The following THOC1 variants were observed in gnomAD, a reference collection of about 807,000 sequenced individuals.
THOC1 encodes the protein THO complex subunit 1.
THOC1 carries 29 observed loss-of-function variants against 97.3 expected under a neutral mutation model. That is an observed-to-expected ratio of 0.30 (90% CI 0.22 to 0.41). THOC1 has a LOEUF of 0.41. Among genes scored for constraint, THOC1 ranks in the 10% least tolerant of loss-of-function variants. The probability of loss-of-function intolerance (pLI) is 1.00; values close to 1 mark genes in which losing one functional copy is unlikely to be tolerated. For missense variants in THOC1, 529 were observed against 761.9 expected, an observed-to-expected ratio of 0.69 and a Z score of 3.60; for synonymous variants, 255 against 257.0, an observed-to-expected ratio of 0.99 and a Z score of 0.07.
At chr18:252,409 G>T in intron 9 of THOC1, 130 bp downstream of exon 9, 1 of 717,830 alleles carries the variant, frequency 1.4e-6, no homozygotes. Context: ...TAATATACAT[G>T]AAAATTACAA....
Position 224,510 on chromosome 18 carries a change from C to T in THOC1, c.1209-331G>A, listed in dbSNP as rs1056749149. On this transcript the variant is annotated intron_variant, in intron 15 of 20. Transcript: ENST00000261600. ...ATGAGAATCGCTTGAACCCAAGAGG[C>T]GGAGGCTGCGGTGAGCCAAGATCAT... Among the ~76,000 whole-genome samples, 8 of 150,112 alleles carry T rather than the reference C, an allele frequency of 5.3e-5. No individual in the cohort carries two copies. In the South Asian group the frequency reaches 6.3e-4, roughly 12 times the overall value.
At chr18:225,037 C>T (rs1278738244) in intron 14 of THOC1, 43 bp from the exon 15 acceptor site, 1 of 1,564,818 alleles carries the variant, frequency 6.4e-7, no homozygotes, top group East Asian at 2.3e-5. Flanking sequence ...GTGGAATCCT[C>T]TGAAGTTCTA....
chr18:257,277 G>A (rs891573381), intron 7 of THOC1, among the ~76,000 whole-genome samples: 1 of 152,046 alleles, frequency 6.6e-6, no homozygotes, highest in Non-Finnish European at 1.5e-5. Flanking sequence ...TCCACAGAAT[G>A]CAATATAGAA....
In THOC1 at chr18:215,301, T is replaced by G. The variant is rs1910837578; in HGVS notation, c.1678+128A>C. The G allele has an allele frequency of 6.8e-6, 5 of 730,126 alleles. No individual in the cohort carries two copies. In the East Asian group the frequency reaches 1.3e-4, roughly 20 times the overall value. 45.2% of individuals were successfully genotyped at this position (730,126 alleles called of 1,614,324 possible). A position where few individuals can be genotyped will look rare whatever the true frequency, so the allele number is the denominator to read the frequency against. On this transcript the variant is annotated intron_variant, in intron 20 of 20. Transcript: ENST00000261600. Reference sequence around the variant, plus strand: ...TTAAGCAATGTTTTAAATTCCTCACTATGTCAGAAACAGTTGAGATAAAAT... The same window carrying G: ...TTAAGCAATGTTTTAAATTCCTCACGATGTCAGAAACAGTTGAGATAAAAT...
rs1912573023 is a variant in THOC1 at position 260,545 on chromosome 18, A to G, written c.257-241T>C. The G allele has an allele frequency of 1.7e-5, 5 of 294,394 alleles. No individual in the cohort carries two copies. In the South Asian group the frequency reaches 4.6e-4, roughly 27 times the overall value. The allele number at this position is 294,394 out of a possible 1,614,324, so 18.2% of individuals were successfully genotyped here. A position where few individuals can be genotyped will look rare whatever the true frequency, so the allele number is the denominator to read the frequency against. On this transcript the variant is annotated intron_variant, in intron 4 of 20. Coordinates refer to ENST00000261600, the MANE Select transcript of THOC1 (RefSeq NM_005131.3). ...TGACAAGATCTAGAGCATTTACTATATGTCAGGCACACTAAGTACTTTACA... is the reference window on the plus strand; with the variant it reads ...TGACAAGATCTAGAGCATTTACTATGTGTCAGGCACACTAAGTACTTTACA...
At chr18:259,626 T>C in intron 6 of THOC1, 56 bp downstream of exon 6, 1 of 1,314,722 alleles carries the variant, frequency 7.6e-7, no homozygotes, top group Non-Finnish European at 1.1e-6. Context: ...CAACCATGTG[T>C]TTTTCTGGGC....
intron 17 of THOC1, among the ~76,000 whole-genome samples, chr18:221,670 G>A (rs1041272154): frequency 2.1e-5 from 3 of 140,398 alleles, no homozygotes; most frequent in Non-Finnish European, 4.5e-5. Flanking sequence ...GTGCAGTGGT[G>A]CGATCTCGAC....
At chr18:241,908 C>T (rs1427567150) in intron 11 of THOC1, among the ~76,000 whole-genome samples, 2 of 152,180 alleles carry the variant, frequency 1.3e-5, no homozygotes, top group Non-Finnish European at 2.9e-5. Context: ...TACTTTTCCA[C>T]TGCATTAGAA....
chr18:214,943 A>T, intron 20 of THOC1, 22 bp from the exon 21 acceptor site: 1 of 1,607,842 alleles, frequency 6.2e-7, no homozygotes, highest in Non-Finnish European at 8.5e-7. Flanking sequence ...AGAGAATATA[A>T]ATTATGCGCA....
chr18:215,800 A>C, intron 19 of THOC1: 2 of 322,088 alleles, frequency 6.2e-6, no homozygotes, highest in Non-Finnish European at 1.2e-5. Context: ...GGGTTTATTT[A>C]GTAAAGACGG....
rs1030449890 is a variant in THOC1, at chr18:227,655, T to G, written c.919-754A>C. Among the ~76,000 whole-genome samples the G allele has an allele frequency of 6.0e-4, 91 of 152,300 alleles. 1 individual carries two copies. Among genetic ancestry groups the G allele is most frequent in the African/African-American group, 2.1e-3 (86 of 41,574 alleles). On this transcript the variant is annotated intron_variant, in intron 11 of 20. Coordinates refer to ENST00000261600, the MANE Select transcript of THOC1 (RefSeq NM_005131.3). Reference sequence around the variant, plus strand: ...CAGCTGTAAGAATAACCTGCGGCGATGAAGGAAGGTCATTCTGATTATGTG... The same window carrying G: ...CAGCTGTAAGAATAACCTGCGGCGAGGAAGGAAGGTCATTCTGATTATGTG...
In THOC1 at chr18:268,034, G is replaced by A. The variant is rs1346982405; in HGVS notation, c.-15C>T. ...GTCGGAGACATCTTCTCGGCTGCGCGTGCCCGCCACTGCGCTGCGGCGCCT... is the reference window on the plus strand; with the variant it reads ...GTCGGAGACATCTTCTCGGCTGCGCATGCCCGCCACTGCGCTGCGGCGCCT... On this transcript the variant is annotated 5_prime_UTR_variant, in exon 1 of 21. In the 5' UTR this introduces an upstream ATG that the reference lacks. Coordinates refer to ENST00000261600, the MANE Select transcript of THOC1 (RefSeq NM_005131.3). 1.3e-6 allele frequency: 2 copies of A among 1,563,402 alleles called. No individual in the cohort carries two copies. Among genetic ancestry groups the A allele is most frequent in the East Asian group, 4.7e-5 (2 of 42,110 alleles).
At chr18:267,314 T>C (rs1912808690) in intron 1 of THOC1, among the ~76,000 whole-genome samples, 1 of 152,174 alleles carries the variant, frequency 6.6e-6, no homozygotes. Context: ...GTACCAGGAA[T>C]AACCAACTTA....
intron 12 of THOC1, 133 bp from the exon 13 acceptor site, chr18:225,536 T>A: frequency 1.4e-6 from 1 of 703,678 alleles, no homozygotes; most frequent in Non-Finnish European, 2.4e-6. Context: ...ACAAGAATAA[T>A]CACAAATGAG....
rs1310052520 is a variant in THOC1, at chr18:214,560, C to CTCT, written c.*63_*65dup. ...TTATTGTTTACCAAAACCAGTGGACCTCTTATCAAATGCTGCTTGGTAACA... is the reference window on the plus strand; with the variant it reads ...TTATTGTTTACCAAAACCAGTGGACCTCTTCTTATCAAATGCTGCTTGGTAACA... On this transcript the variant is annotated 3_prime_UTR_variant, in exon 21 of 21. Transcript: ENST00000261600. The CTCT allele has an allele frequency of 7.6e-7, 1 of 1,315,886 alleles. No homozygotes were observed. The highest frequency in any genetic ancestry group is 1.5e-5 in the African/African-American group (1 of 67,700). 81.5% of individuals were successfully genotyped at this position (1,315,886 alleles called of 1,614,324 possible). A position where few individuals can be genotyped will look rare whatever the true frequency, so the allele number is the denominator to read the frequency against.
intron 17 of THOC1, 51 bp downstream of exon 17, chr18:223,389 T>G: frequency 7.0e-7 from 1 of 1,418,954 alleles, no homozygotes; most frequent in East Asian, 2.5e-5. Flanking sequence ...GGCTCCATTC[T>G]ACTCAACACT....
chr18:239,820 A>C (rs1037121569), intron 11 of THOC1, among the ~76,000 whole-genome samples: 14 of 152,332 alleles, frequency 9.2e-5, no homozygotes, highest in Admixed American at 6.5e-4. Context: ...ACTTGTATAT[A>C]ATAGAGGAGG....
chr18:259,977 C>T (rs1912552667), intron 5 of THOC1: 3 of 516,412 alleles, frequency 5.8e-6, no homozygotes, highest in East Asian at 3.4e-5. Flanking sequence ...TTTTATTACA[C>T]AAATTAAATC....
intron 9 of THOC1, among the ~76,000 whole-genome samples, chr18:248,449 G>A (rs1006374043): frequency 3.3e-5 from 5 of 152,148 alleles, no homozygotes; most frequent in African/African-American, 4.8e-5. Context: ...CAATCTCACC[G>A]AGCAGTGCTC....
Sources: allele counts gnomAD v4.1 joint callset (sites outside exome capture counted in the v4.1 genomes callset), GRCh38; gene constraint gnomAD v4.1.1; transcripts MANE v1.5; gene names NCBI Gene and HGNC (gene_info 2026-07-23, HGNC 2026-07-21).